Variants in TRAF3 observed in about 807,000 individuals in gnomAD.
TRAF3 encodes TNF receptor associated factor 3.
Under a neutral mutation model 62.3 loss-of-function variants are expected in TRAF3, and 13 were observed. The observed-to-expected ratio is 0.21, with a 90% CI of 0.14 to 0.33. The LOEUF is 0.33. Among genes scored for constraint, TRAF3 ranks in the 10% least tolerant of loss-of-function variants. The pLI, the probability that TRAF3 is intolerant of heterozygous loss-of-function variation, is 1.00. For synonymous variants in TRAF3, 269 were observed against 283.4 expected (o/e 0.95, Z 0.51); for missense variants, 440 against 741.8 (o/e 0.59, Z 4.73).
intron 1 of TRAF3, among the ~76,000 whole-genome samples, chr14:102,829,806 C>T (rs1012317233): frequency 6.6e-6 from 1 of 152,098 alleles, no homozygotes; most frequent in Admixed American, 6.6e-5. Flanking sequence ...GTCTTCATTG[C>T]CGAAGATCTG....
chr14:102,799,057 G>A (rs900320778), intron 1 of TRAF3, among the ~76,000 whole-genome samples: 1 of 152,212 alleles, frequency 6.6e-6, no homozygotes, highest in Non-Finnish European at 1.5e-5. Flanking sequence ...CAGCATTAGG[G>A]TGGTGACCAG....
intron 4 of TRAF3, among the ~76,000 whole-genome samples, chr14:102,874,555 A>C (rs1888533831): frequency 6.6e-6 from 1 of 152,032 alleles, no homozygotes; most frequent in African/African-American, 2.4e-5. Context: ...CACTGTTCCC[A>C]GTCAACCCTG....
intron 1 of TRAF3, among the ~76,000 whole-genome samples, chr14:102,822,947 G>A (rs1051337360): frequency 2.2e-4 from 33 of 151,778 alleles, no homozygotes; most frequent in African/African-American, 7.5e-4. Flanking sequence ...CAGAGGTTGC[G>A]GTGAGCCGAG....
intron 1 of TRAF3, among the ~76,000 whole-genome samples, chr14:102,814,457 T>G (rs1566751590): frequency 6.6e-6 from 1 of 152,226 alleles, no homozygotes; most frequent in Non-Finnish European, 1.5e-5. Flanking sequence ...TAGGATATTT[T>G]TTCTATTTCT....
At chr14:102,893,956 A>G (rs1158320412) in intron 9 of TRAF3, among the ~76,000 whole-genome samples, 1 of 152,352 alleles carries the variant, frequency 6.6e-6, no homozygotes, top group African/African-American at 2.4e-5. Context: ...TTCTTATTAT[A>G]GAATTATTTA....
At chr14:102,784,809 C>T (rs990946552) in intron 1 of TRAF3, among the ~76,000 whole-genome samples, 9 of 152,074 alleles carry the variant, frequency 5.9e-5, no homozygotes, top group African/African-American at 1.9e-4. Context: ...GAGGCGTTTC[C>T]CAAGGAGGTA....
intron 1 of TRAF3, among the ~76,000 whole-genome samples, chr14:102,781,931 C>G (rs909119102): frequency 6.6e-6 from 1 of 151,620 alleles, no homozygotes; most frequent in African/African-American, 2.4e-5. Context: ...TAGCTGGGGA[C>G]CACAGGTGTG....
chr14:102,888,011 G>T (rs1322216415), intron 7 of TRAF3, among the ~76,000 whole-genome samples: 2 of 152,030 alleles, frequency 1.3e-5, no homozygotes, highest in East Asian at 3.8e-4. Context: ...TAGATTCCCC[G>T]AGACTCAGAA....
Position 102,908,877 on chromosome 14 carries a change from C to T in TRAF3, c.*3093C>T. 6.6e-6 allele frequency: 1 copy of T among 152,322 alleles called. No individual in the cohort carries two copies. The allele number at this position is 152,322 out of a possible 1,614,324, so 9.4% of individuals were successfully genotyped here. On this transcript the variant is annotated 3_prime_UTR_variant, in exon 12 of 12. Coordinates refer to ENST00000392745, the MANE Select transcript of TRAF3 (RefSeq NM_145725.3). ...GGCACGCTGGTTGGCTGGCCTGGGC[C>T]CGGCTCACGTGAAGGGCACTGGCTC...
chr14:102,901,683 G>A (rs1369956859), intron 10 of TRAF3, among the ~76,000 whole-genome samples: 2 of 152,218 alleles, frequency 1.3e-5, no homozygotes, highest in African/African-American at 4.8e-5. Context: ...TTACTTTTTA[G>A]AGGTTAACTA....
chr14:102,841,146 A>T (rs1017543294), intron 2 of TRAF3, among the ~76,000 whole-genome samples: 1 of 152,234 alleles, frequency 6.6e-6, no homozygotes, highest in Admixed American at 6.5e-5. Context: ...GAGAAGTCAA[A>T]CAGAACCCAC....
intron 1 of TRAF3, among the ~76,000 whole-genome samples, chr14:102,806,960 C>T (rs767287781): frequency 5.3e-5 from 8 of 152,136 alleles, no homozygotes; most frequent in African/African-American, 1.9e-4. Context: ...TGCTAGAAGA[C>T]TGGGGAGCAT....
chr14:102,855,194 ACTGT>A (rs1325130644), intron 2 of TRAF3, among the ~76,000 whole-genome samples: 2 of 152,192 alleles, frequency 1.3e-5, no homozygotes, highest in Admixed American at 6.5e-5. Context: ...AATGGTATTC[ACTGT>A]CTGGATAGAT....
rs192619652 is a variant in TRAF3 at position 102,895,165 on chromosome 14, C to T, written c.820-2096C>T. The stretch of plus-strand genomic sequence containing the variant: ...CTTTCAGAGGGACACAACTACCACG[C>T]GATGCTGCATATGGCCCGCTCCACA... On this transcript the variant is annotated intron_variant, in intron 9 of 11. Transcript: ENST00000392745. 214 of 454,620 alleles carry T rather than the reference C, an allele frequency of 4.7e-4. 1 individual carries two copies. Among genetic ancestry groups the T allele is most frequent in the African/African-American group, 6.0e-4 (30 of 50,156 alleles). The allele number at this position is 454,620 out of a possible 1,614,324, so 28.2% of individuals were successfully genotyped here.
rs547413096 is a variant in TRAF3 at position 102,841,116 on chromosome 14, C to A, written c.-18+10644C>A. ...TTAGTTTGTCTCGAGAGGCAGTTTC[C>A]ATGTTTCAGGGCAGGAAGAGAGAAG... On this transcript the variant is annotated intron_variant, in intron 2 of 11. Transcript: ENST00000392745. 4.6e-5 allele frequency among the ~76,000 whole-genome samples: 7 copies of A among 152,294 alleles called. No individual in the cohort carries two copies. In the South Asian group the frequency reaches 1.5e-3, roughly 32 times the overall value.
At chr14:102,859,272 A>G (rs942740506) in intron 2 of TRAF3, among the ~76,000 whole-genome samples, 1 of 151,628 alleles carries the variant, frequency 6.6e-6, no homozygotes, top group Non-Finnish European at 1.5e-5. Flanking sequence ...CACACCTTGC[A>G]TGTAAAACTG....
intron 1 of TRAF3, among the ~76,000 whole-genome samples, chr14:102,778,338 C>T (rs1021388074): frequency 6.6e-6 from 1 of 151,966 alleles, no homozygotes; most frequent in Non-Finnish European, 1.5e-5. Context: ...GCCGGTTCCA[C>T]GCCGCCAGCC....
At chr14:102,888,151 G>T (rs1889507594) in intron 7 of TRAF3, among the ~76,000 whole-genome samples, 3 of 152,210 alleles carry the variant, frequency 2.0e-5, no homozygotes, top group Admixed American at 1.3e-4. Flanking sequence ...TGACACTCAG[G>T]TTTGTTATTG....
rs78263787 is a variant in TRAF3, at chr14:102,795,237, C to T, written c.-157+17562C>T. Among the ~76,000 whole-genome samples, 687 of 152,248 alleles carry T rather than the reference C, an allele frequency of 4.5e-3. 10 individuals are homozygous for T. The highest frequency in any genetic ancestry group is 8.2e-3 in the Non-Finnish European group (557 of 68,012). On this transcript the variant is annotated intron_variant, in intron 1 of 11. Transcript: ENST00000392745. ...TCAGCTGATTGTTGCAACACTGAGC[C>T]GAGCAAACATGATGAGGTCACAGAG...
Sources: gnomAD v4.1 joint callset for allele counts (sites outside exome capture counted in the v4.1 genomes callset) on GRCh38, gnomAD v4.1.1 for gene constraint, MANE v1.5 for transcripts, NCBI Gene and HGNC (gene_info 2026-07-23, HGNC 2026-07-21) for gene names.